DNM3: variants seen among roughly 807,000 people sequenced by gnomAD.
DNM3 encodes dynamin-3.
Under a neutral mutation model 101.6 loss-of-function variants are expected in DNM3, and 47 were observed. The observed-to-expected ratio is 0.46, with a 90% confidence interval of 0.37 to 0.59. DNM3 has a LOEUF of 0.59. Ranked by LOEUF, DNM3 falls within the 20% of genes least tolerant of loss-of-function variation. DNM3 has a pLI of 0.00. For missense variants in DNM3, 849 were observed against 1,085.7 expected (o/e 0.78, Z 3.06); for synonymous variants, 385 against 387.9 (o/e 0.99, Z 0.09).
At chr1:172,154,838 G>T (rs1429236428) in intron 14 of DNM3, among the ~76,000 whole-genome samples, 1 of 151,918 alleles carries the variant, frequency 6.6e-6, no homozygotes, top group Non-Finnish European at 1.5e-5. Flanking sequence ...GTCTTTGGTA[G>T]GCAGACATTA....
rs374272572 is a variant in DNM3 at position 172,209,408 on chromosome 1, G to A, written c.1660-44165G>A. ...TGGTAGCCCTAGCAAAATAATACAG[G>A]CACCAAGGGTGAATATTGATCATTT... On this transcript the variant is annotated intron_variant, in intron 14 of 20. Transcript: ENST00000627582. Among the ~76,000 whole-genome samples the A allele has an allele frequency of 8.6e-5, 13 of 152,020 alleles. 1 individual carries two copies. The South Asian group carries it at 1.5e-3, about 17-fold the overall frequency.
chr1:172,266,019 T>A (rs2062844995), intron 15 of DNM3, among the ~76,000 whole-genome samples: 1 of 152,224 alleles, frequency 6.6e-6, no homozygotes, highest in African/African-American at 2.4e-5. Context: ...TTTAGGATGT[T>A]TCACTACTCC....
chr1:172,178,553 G>A (rs2059234459), intron 14 of DNM3, among the ~76,000 whole-genome samples: 1 of 151,810 alleles, frequency 6.6e-6, no homozygotes, highest in Admixed American at 6.6e-5. Flanking sequence ...GAACATAGAT[G>A]AAGCAGTTAA....
rs540515959 is a variant in DNM3, at chr1:172,215,471, A to C, written c.1660-38102A>C. Among the ~76,000 whole-genome samples, 9 of 152,228 alleles carry C rather than the reference A, an allele frequency of 5.9e-5. No homozygotes were observed. The South Asian group carries it at 1.9e-3, about 32-fold the overall frequency. ...CAAAGAGGATGACATAAACTTAGCG[A>C]AGTTTTCAAGCTCCAGTCTTTATTA... On this transcript the variant is annotated intron_variant, in intron 14 of 20. Transcript: ENST00000627582.
At chr1:172,153,997 G>A (rs996551413) in intron 14 of DNM3, among the ~76,000 whole-genome samples, 5 of 151,724 alleles carry the variant, frequency 3.3e-5, no homozygotes, top group Admixed American at 6.6e-5. Context: ...AGACCTTATC[G>A]TCTGTTCCAT....
chr1:172,332,447 C>A (rs1573501331), intron 17 of DNM3, among the ~76,000 whole-genome samples: 1 of 152,118 alleles, frequency 6.6e-6, no homozygotes, highest in Non-Finnish European at 1.5e-5. Context: ...GTAGCTGGGA[C>A]TACAGGTGCA....
intron 13 of DNM3, among the ~76,000 whole-genome samples, chr1:172,104,979 A>C (rs2054908624): frequency 6.6e-6 from 1 of 152,186 alleles, no homozygotes; most frequent in African/African-American, 2.4e-5. Flanking sequence ...GCAAAAGGAG[A>C]ATGATTATTG....
intron 2 of DNM3, among the ~76,000 whole-genome samples, chr1:171,962,106 A>G (rs2043253531): frequency 1.3e-5 from 2 of 152,174 alleles, no homozygotes; most frequent in South Asian, 2.1e-4. Context: ...TTATGAAACC[A>G]TTAGTTTCAT....
At chr1:172,389,148 G>T in intron 20 of DNM3, 1 of 259,774 alleles carries the variant, frequency 3.8e-6, no homozygotes, top group Non-Finnish European at 7.4e-6. Context: ...GTGTTCTATA[G>T]GTCATGAGAG....
intron 2 of DNM3, among the ~76,000 whole-genome samples, chr1:171,959,770 T>C (rs1418698254): frequency 6.6e-6 from 1 of 151,046 alleles, no homozygotes; most frequent in African/African-American, 2.4e-5. Flanking sequence ...AAGGGAGGGG[T>C]GATTATCAGT....
chr1:172,021,487 A>G (rs1370006086), intron 4 of DNM3, among the ~76,000 whole-genome samples: 1 of 152,188 alleles, frequency 6.6e-6, no homozygotes, highest in Non-Finnish European at 1.5e-5. Context: ...AAACAACAGC[A>G]AAATAAAAAA....
chr1:172,253,990 G>A (rs1399864676), intron 15 of DNM3, among the ~76,000 whole-genome samples: 17 of 151,770 alleles, frequency 1.1e-4, no homozygotes, highest in South Asian at 1.0e-3. Flanking sequence ...CATCCAGACC[G>A]GAATACAGTG....
At chr1:172,145,127 G>A (rs1047217996) in intron 14 of DNM3, among the ~76,000 whole-genome samples, 4 of 152,076 alleles carry the variant, frequency 2.6e-5, no homozygotes, top group Admixed American at 6.5e-5. Flanking sequence ...TAGTGTAGAA[G>A]TACAAATTTA....
At chr1:171,851,907 T>C (rs1049997518) in intron 1 of DNM3, among the ~76,000 whole-genome samples, 3 of 152,254 alleles carry the variant, frequency 2.0e-5, no homozygotes, top group African/African-American at 7.2e-5. Context: ...ATGTATTTCT[T>C]ACTATGGGTT....
chr1:172,245,223 CAT>C (rs1319341956), intron 14 of DNM3, among the ~76,000 whole-genome samples: 1 of 152,102 alleles, frequency 6.6e-6, no homozygotes, highest in African/African-American at 2.4e-5. Flanking sequence ...GAGCAAGACA[CAT>C]AGAATGATTA....
At chr1:171,987,432 T>G (rs1215880653) in intron 2 of DNM3, 5 of 681,440 alleles carry the variant, frequency 7.3e-6, no homozygotes, top group Non-Finnish European at 9.0e-6. Context: ...TAGTATTTAA[T>G]TGCTTATCTG....
intron 15 of DNM3, among the ~76,000 whole-genome samples, chr1:172,262,758 T>C (rs2148717856): frequency 6.6e-6 from 1 of 152,332 alleles, no homozygotes; most frequent in Middle Eastern, 3.4e-3. Flanking sequence ...CCCCTCTTTG[T>C]ATTTGAACAG....
At chr1:172,077,642 G>T (rs532141791) in intron 11 of DNM3, among the ~76,000 whole-genome samples, 1 of 152,250 alleles carries the variant, frequency 6.6e-6, no homozygotes, top group East Asian at 1.9e-4. Context: ...TTAATCCTGA[G>T]TTCTAATTTG....
intron 14 of DNM3, among the ~76,000 whole-genome samples, chr1:172,249,711 A>C (rs2062094300): frequency 6.6e-6 from 1 of 152,188 alleles, no homozygotes; most frequent in South Asian, 2.1e-4. Flanking sequence ...TGCTTCCTTC[A>C]AAATGTCTAC....
Sources: allele counts gnomAD v4.1 joint callset (sites outside exome capture counted in the v4.1 genomes callset), GRCh38; gene constraint gnomAD v4.1.1; transcripts MANE v1.5; gene names NCBI Gene and HGNC (gene_info 2026-07-23, HGNC 2026-07-21).